RARG: variants seen among roughly 807,000 people sequenced by gnomAD.
RARG encodes the protein RAR-gamma.
In RARG, 17 loss-of-function variants were observed where a neutral mutation model predicts 43.7. The observed-to-expected ratio is 0.39, with a 90% CI of 0.27 to 0.58. RARG has a LOEUF of 0.58. RARG is among the 20% of genes least tolerant of loss of function. The pLI, the probability that RARG is intolerant of heterozygous loss-of-function variation, is 0.57. For synonymous variants in RARG, 238 were observed against 236.4 expected (o/e 1.01, Z -0.06); for missense variants, 346 against 598.7 (o/e 0.58, Z 4.40).
chr12:53,228,856 G>A (rs1943169197), intron 2 of RARG, among the ~76,000 whole-genome samples: 2 of 152,214 alleles, frequency 1.3e-5, no homozygotes, highest in Non-Finnish European at 2.9e-5. Flanking sequence ...TTACAGGCGT[G>A]AGCGACACGC....
Position 53,215,448 on chromosome 12 carries a change from A to G in RARG, c.334-14T>C, listed in dbSNP as rs1942733918. 1 of 1,613,936 alleles carries G rather than the reference A, an allele frequency of 6.2e-7. No homozygotes were observed. The highest frequency in any genetic ancestry group is 1.3e-5 in the African/African-American group (1 of 75,004). ...GCGAAAGAAGCCCTGGAGTTGAGGG[A>G]AAGAGAGAGGGCCTCTGAAGCACAA... On this transcript the variant is annotated splice_polypyrimidine_tract_variant and intron_variant, in intron 4 of 9. Transcript: ENST00000425354. This position sits in a 1 kb window ranked among gnomAD's most constrained non-coding sequence, Gnocchi z 6.4.
In RARG at chr12:53,213,786, C is replaced by A. The variant is rs145319260; in HGVS notation, c.814-86G>T. The A allele has an allele frequency of 1.5e-3, 2,113 of 1,369,986 alleles. 22 individuals carry two copies. The African/African-American group carries it at 0.027, about 17-fold the overall frequency. 84.9% of individuals were successfully genotyped at this position (1,369,986 alleles called of 1,614,324 possible). ...TGAGTGGAAAGTGAGGAGGTTAGGTCCCCAGTGAGTGCAACCTGAAGCAGG... is the reference window on the plus strand; with the variant it reads ...TGAGTGGAAAGTGAGGAGGTTAGGTACCCAGTGAGTGCAACCTGAAGCAGG... On this transcript the variant is annotated intron_variant, in intron 7 of 9. Coordinates refer to ENST00000425354, the MANE Select transcript of RARG (RefSeq NM_000966.6). This position sits in a 1 kb window ranked among gnomAD's most constrained non-coding sequence, Gnocchi z 4.7.
intron 3 of RARG, among the ~76,000 whole-genome samples, chr12:53,222,219 AAGAAAGAAAGAGAG>A (rs1408285264): frequency 9.5e-6 from 1 of 105,462 alleles, no homozygotes; most frequent in Non-Finnish European, 1.7e-5. Flanking sequence ...CCACAAAAAA[AAGAAAGAAAGAGAG>A]AGAAAGAAAA....
In RARG at chr12:53,214,054, C is replaced by A. The variant is rs931745885; in HGVS notation, c.813+5G>T. ...CTGTGGCAGGACCCACAGGGCCTAA[C>A]TTACCAGGATATCTAGGCAGGCAGC... is the stretch of plus-strand genomic sequence containing the variant. On this transcript the variant is annotated splice_donor_5th_base_variant and intron_variant, in intron 7 of 9. Transcript: ENST00000425354. The A allele has an allele frequency of 1.9e-6, 3 of 1,606,132 alleles. No homozygotes were observed. Among genetic ancestry groups the A allele is most frequent in the African/African-American group, 2.7e-5 (2 of 74,884 alleles).
chr12:53,227,542 C>A lies in RARG; in HGVS notation c.4G>T (p.Ala2Ser). Residue 2 changes from alanine to serine, a missense_variant, in exon 3 of 10, where the codon GCC becomes TCC. Transcript: ENST00000425354. The surrounding 1 kb of genome is among the most constrained non-coding windows in gnomAD (Gnocchi z 4.3). ...GCAAAGAGTCGCTCCTTATTGGTGG[C>A]CATGGCAGCTGCGGTGTGAGAGTCC... The part of the protein sequence containing the change: M[A>S]TNKERLFAAG... 6.4e-7 allele frequency: 1 copy of A among 1,573,188 alleles called. No homozygotes were observed. Among genetic ancestry groups the A allele is most frequent in the South Asian group, 1.2e-5 (1 of 85,924 alleles).
chr12:53,228,983 C>T (rs1231371896), intron 2 of RARG, among the ~76,000 whole-genome samples: 1 of 152,080 alleles, frequency 6.6e-6, no homozygotes, highest in Non-Finnish European at 1.5e-5. Context: ...AAACCTGAGC[C>T]CAGGGGAAGG....
Position 53,227,602 on chromosome 12 carries a change from C to T in RARG, c.-57G>A. The stretch of plus-strand genomic sequence containing the variant: ...TGCAGTGGGCGGGCGAGGTCTTCAG[C>T]CACAGCCCCTGCCCATGCCCACTGC... On this transcript the variant is annotated 5_prime_UTR_variant, in exon 3 of 10. Coordinates refer to ENST00000425354, the MANE Select transcript of RARG (RefSeq NM_000966.6). The surrounding 1 kb of genome is among the most constrained non-coding windows in gnomAD (Gnocchi z 4.3). 1 of 1,418,722 alleles carries T rather than the reference C, an allele frequency of 7.0e-7. No homozygotes were observed. The highest frequency in any genetic ancestry group is 1.5e-5 in the South Asian group (1 of 64,970). 87.9% of individuals were successfully genotyped at this position (1,418,722 alleles called of 1,614,324 possible).
Position 53,215,726 on chromosome 12 carries a change from G to A in RARG, c.253C>T (p.Arg85Trp), listed in dbSNP as rs1051888927. The A allele has an allele frequency of 6.2e-6, 10 of 1,613,562 alleles. No homozygotes were observed. Among genetic ancestry groups the A allele is most frequent in the South Asian group, 1.1e-5 (1 of 91,042 alleles). Residue 85 changes from arginine (R) to tryptophan (W), a missense_variant, in exon 4 of 10, where the codon CGG becomes TGG. Around this residue, in one of 8 missense-constraint regions of RARG, gnomAD observed 50 missense variants for 117.7 expected, o/e 0.42. Transcript: ENST00000425354. The surrounding 1 kb of genome is among the most constrained non-coding windows in gnomAD (Gnocchi z 6.4). ...CACACGAAGCATGGCTTGTAGACCCGAGGAGGCGGAGGGGGCGAGGGCGAG... is the reference window on the plus strand; with the variant it reads ...CACACGAAGCATGGCTTGTAGACCCAAGGAGGCGGAGGGGGCGAGGGCGAG... ...PSSPSPPPPP[R>W]VYKPCFVCND...
chr12:53,215,899 G>T lies in RARG; in HGVS notation c.185-105C>A. On this transcript the variant is annotated intron_variant, in intron 3 of 9. Coordinates refer to ENST00000425354, the MANE Select transcript of RARG (RefSeq NM_000966.6). The surrounding 1 kb of genome is among the most constrained non-coding windows in gnomAD (Gnocchi z 6.4). ...TGTGCATTTGTTCCTTGGCCCACTG[G>T]TGACAGCCATCACTACCACAGTGCA... The T allele has an allele frequency of 7.9e-7, 1 of 1,266,706 alleles. No homozygotes were observed. The highest frequency in any genetic ancestry group is 1.1e-6 in the Non-Finnish European group (1 of 940,730). 78.5% of individuals were successfully genotyped at this position (1,266,706 alleles called of 1,614,324 possible).
In RARG at chr12:53,227,382, G is replaced by T; in HGVS notation, c.164C>A (p.Pro55His). Residue 55 changes from proline to histidine, a missense_variant, in exon 3 of 10, where the codon CCC becomes CAC. Pro to His is a moderately conservative substitution (Grantham distance 77). This residue lies in a region of RARG where 90 missense variants were observed against 93.2 expected (regional missense o/e 0.97). Coordinates refer to ENST00000425354, the MANE Select transcript of RARG (RefSeq NM_000966.6). This position sits in a 1 kb window ranked among gnomAD's most constrained non-coding sequence, Gnocchi z 4.3. ...CTCACACAGAGAGGCCATCTCCTTG[G>T]GGAGGTCAGGCTGGCCCAGGCCCCG... The part of the protein sequence containing the change: ...SFRGLGQPDL[P>H]KEMASLSVET... The T allele has an allele frequency of 6.3e-7, 1 of 1,587,762 alleles. No homozygotes were observed. The highest frequency in any genetic ancestry group is 1.1e-5 in the South Asian group (1 of 87,720).
In RARG at chr12:53,211,736, G is replaced by A; in HGVS notation, c.1305C>T (p.Ala435=). 1 of 1,567,990 alleles carries A rather than the reference G, an allele frequency of 6.4e-7. No homozygotes were observed. The highest frequency in any genetic ancestry group is 8.6e-7 in the Non-Finnish European group (1 of 1,157,950). The change falls in exon 10 of 10, where the codon GCC becomes GCT. Residue 435 remains alanine, a synonymous_variant. Transcript: ENST00000425354. The surrounding 1 kb of genome is among the most constrained non-coding windows in gnomAD (Gnocchi z 4.6). Reference sequence around the variant, plus strand: ...CCCCAGGAACCTCATCCTCGCTAGAGGCATTGGGGTGGGGACCAGGCTGCG... The same window carrying A: ...CCCCAGGAACCTCATCCTCGCTAGAAGCATTGGGGTGGGGACCAGGCTGCG... ...DSSQPGPHPN[A]SSEDEVPGGQ...
intron 5 of RARG, chr12:53,214,839 A>C: frequency 4.1e-6 from 2 of 493,006 alleles, no homozygotes; most frequent in Non-Finnish European, 7.1e-6. Context: ...ATTCGGCTCC[A>C]TCCTGTCCTT....
rs1398116997 is a variant in RARG at position 53,220,204 on chromosome 12, G to A, written c.185-4410C>T. 1.9e-6 allele frequency: 3 copies of A among 1,547,526 alleles called. No individual in the cohort carries two copies. The East Asian group carries it at 7.3e-5, about 38-fold the overall frequency. On this transcript the variant is annotated intron_variant, in intron 3 of 9. Transcript: ENST00000425354. Reference sequence around the variant, plus strand: ...GCCCCGCTCCAGCAGGGGGGGAGGGGGAGGGCTAGCATAGGGCGCTGGGCT... The same window carrying A: ...GCCCCGCTCCAGCAGGGGGGGAGGGAGAGGGCTAGCATAGGGCGCTGGGCT...
At chr12:53,221,355 ATAAGCT>A (rs1942957117) in intron 3 of RARG, among the ~76,000 whole-genome samples, 1 of 151,884 alleles carries the variant, frequency 6.6e-6, no homozygotes, top group Non-Finnish European at 1.5e-5. Context: ...AAACTACCCC[ATAAGCT>A]GTGCCTGCCG....
chr12:53,217,270 C>T (rs1592433823), intron 3 of RARG, among the ~76,000 whole-genome samples: 1 of 152,068 alleles, frequency 6.6e-6, no homozygotes, highest in East Asian at 1.9e-4. Flanking sequence ...GATGGGGGCT[C>T]CAGGAGGGGC....
At chr12:53,214,898 G>A (rs995038699) in intron 5 of RARG, 5 of 430,458 alleles carry the variant, frequency 1.2e-5, no homozygotes, top group Non-Finnish European at 1.7e-5. Flanking sequence ...TATGCAGGCG[G>A]CAGGATATCC....
intron 3 of RARG, among the ~76,000 whole-genome samples, chr12:53,221,014 C>T (rs953101888): frequency 1.2e-4 from 19 of 152,134 alleles, no homozygotes; most frequent in Admixed American, 2.6e-4. Flanking sequence ...TTCCCGTCTC[C>T]CCACCCGCGG....
chr12:53,223,301 G>T (rs1943022603), intron 3 of RARG, among the ~76,000 whole-genome samples: 1 of 149,826 alleles, frequency 6.7e-6, no homozygotes, highest in Non-Finnish European at 1.5e-5. Context: ...TGCCAGAAGG[G>T]TAAGTCCTGA....
intron 3 of RARG, among the ~76,000 whole-genome samples, chr12:53,223,319 G>A (rs1444738712): frequency 9.3e-6 from 1 of 107,372 alleles, no homozygotes; most frequent in African/African-American, 3.8e-5. Flanking sequence ...TGAGGTAGGA[G>A]TCCCACCTGA....
Sources: allele counts gnomAD v4.1 joint callset (sites outside exome capture counted in the v4.1 genomes callset), GRCh38; gene constraint gnomAD v4.1.1; regional missense constraint gnomAD v4.1.1; non-coding constraint Gnocchi (gnomAD v3.1); transcripts MANE v1.5; gene names NCBI Gene and HGNC (gene_info 2026-07-23, HGNC 2026-07-21).